Variants in CFAP299 observed in about 807,000 individuals in gnomAD.
The protein encoded by CFAP299 is cilia and flagella associated protein 299, also known as cilia- and flagella-associated protein 299.
Under a neutral mutation model 27.0 loss-of-function variants are expected in CFAP299, and 21 were observed. The observed-to-expected ratio is 0.78, with a 90% CI of 0.55 to 1.12. The LOEUF (loss-of-function observed/expected upper bound fraction) is 1.12, where lower values mean the gene tolerates loss of function less well. CFAP299 is among the 50% of genes most tolerant of loss of function. The probability of loss-of-function intolerance (pLI) is 0.00; values close to 1 mark genes in which losing one functional copy is unlikely to be tolerated. For synonymous variants in CFAP299, 104 were observed against 98.1 expected, an observed-to-expected ratio of 1.06 and a Z score of -0.36; for missense variants, 310 against 276.6, an observed-to-expected ratio of 1.12 and a Z score of -0.86.
intron 2 of CFAP299, among the ~76,000 whole-genome samples, chr4:80,433,444 C>T (rs991970124): frequency 6.6e-6 from 1 of 152,004 alleles, no homozygotes; most frequent in Non-Finnish European, 1.5e-5. Flanking sequence ...GAATACTTTA[C>T]CTTAAAAAAA....
At chr4:80,848,984 T>C (rs959758177) in intron 3 of CFAP299, among the ~76,000 whole-genome samples, 2 of 152,138 alleles carry the variant, frequency 1.3e-5, no homozygotes, top group Non-Finnish European at 2.9e-5. Context: ...ACTAAATTTA[T>C]AGAACAACAT....
chr4:80,571,341 T>G (rs1377273795), intron 2 of CFAP299, among the ~76,000 whole-genome samples: 3 of 152,070 alleles, frequency 2.0e-5, no homozygotes, highest in African/African-American at 7.2e-5. Flanking sequence ...TTTGTGGTTA[T>G]CTGGCTTGAA....
chr4:80,327,750 T>TAACTTCAATACATATATATATATATA, the CFAP299 span, among the ~76,000 whole-genome samples: 3 of 144,606 alleles, frequency 2.1e-5, no homozygotes, highest in South Asian at 2.2e-4. Flanking sequence ...TATATATATG[T>TAACTTCAATACATATATATATATATA]TGAGAAAGCT....
At chr4:80,678,920 C>G (rs144615985) in intron 3 of CFAP299, among the ~76,000 whole-genome samples, 1 of 152,020 alleles carries the variant, frequency 6.6e-6, no homozygotes, top group African/African-American at 2.4e-5. Context: ...GACTACAAAC[C>G]TTGCTCAGTT....
At chr4:80,848,958 T>C (rs1345557811) in intron 3 of CFAP299, among the ~76,000 whole-genome samples, 3 of 152,200 alleles carry the variant, frequency 2.0e-5, no homozygotes, top group African/African-American at 4.8e-5. Context: ...TTATAAACAC[T>C]GTACACTTAA....
intron 3 of CFAP299, among the ~76,000 whole-genome samples, chr4:80,741,961 G>C (rs1413776146): frequency 6.6e-6 from 1 of 152,100 alleles, no homozygotes. Flanking sequence ...TTATTCTCTA[G>C]TATGATAGGG....
At chr4:80,539,213 G>A (rs150386565) in intron 2 of CFAP299, among the ~76,000 whole-genome samples, 100 of 152,234 alleles carry the variant, frequency 6.6e-4, no homozygotes, top group Non-Finnish European at 1.3e-3. Flanking sequence ...TTGCCTTCCT[G>A]TTCTAAAATT....
intron 3 of CFAP299, among the ~76,000 whole-genome samples, chr4:80,670,165 T>C (rs748846401): frequency 6.0e-5 from 9 of 150,036 alleles, no homozygotes; most frequent in Non-Finnish European, 1.0e-4. Context: ...CAGACCCCCA[T>C]GTGTGATGTT....
chr4:80,435,926 A>C (rs186457597), intron 2 of CFAP299, among the ~76,000 whole-genome samples: 1 of 152,214 alleles, frequency 6.6e-6, no homozygotes, highest in Non-Finnish European at 1.5e-5. Flanking sequence ...TTGTCAAACC[A>C]TGAGGCCCCA....
At chr4:80,536,415 T>A (rs747559941) in intron 2 of CFAP299, among the ~76,000 whole-genome samples, 1 of 152,120 alleles carries the variant, frequency 6.6e-6, no homozygotes, top group Non-Finnish European at 1.5e-5. Flanking sequence ...AAAGCAATCT[T>A]GAGCAAAAGG....
At chr4:80,326,231 G>A in the CFAP299 span, among the ~76,000 whole-genome samples, 48 of 152,150 alleles carry the variant, frequency 3.2e-4, no homozygotes, top group Admixed American at 6.6e-4. Flanking sequence ...GCATCTCTAT[G>A]GGATTGTGGT....
chr4:80,812,661 C>T (rs1440294606), intron 3 of CFAP299, among the ~76,000 whole-genome samples: 1 of 152,024 alleles, frequency 6.6e-6, no homozygotes, highest in African/African-American at 2.4e-5. Flanking sequence ...GTCAAATTAG[C>T]GTCAATAGAG....
intron 4 of CFAP299, among the ~76,000 whole-genome samples, chr4:80,913,686 G>C (rs1343880062): frequency 6.6e-6 from 1 of 152,028 alleles, no homozygotes; most frequent in Non-Finnish European, 1.5e-5. Context: ...TTTTTAGTTT[G>C]GTCAGTACAT....
At position 80,527,625 on chromosome 4, in the gene CFAP299, T is replaced by C. The variant is rs188176329; in HGVS notation, c.243-55468T>C. Among the ~76,000 whole-genome samples, 467 of 152,266 alleles carry C rather than the reference T, an allele frequency of 3.1e-3. 1 individual carries two copies. Among genetic ancestry groups the C allele is most frequent in the Middle Eastern group, 0.01 (3 of 294 alleles). ...TAATGTGTATTCCCTTCACACACAC[T>C]GTCCCAGTAGGACTGGTCTGTTCTC... On this transcript the variant is annotated intron_variant, in intron 2 of 5. Coordinates refer to ENST00000358105, the MANE Select transcript of CFAP299 (RefSeq NM_152770.3).
At chr4:80,494,599 T>C (rs986833084) in intron 2 of CFAP299, among the ~76,000 whole-genome samples, 3 of 152,206 alleles carry the variant, frequency 2.0e-5, no homozygotes, top group African/African-American at 7.2e-5. Flanking sequence ...CTTTCAGTTC[T>C]TCATACCCAG....
At chr4:80,598,849 A>G (rs1344056785) in intron 3 of CFAP299, among the ~76,000 whole-genome samples, 2 of 152,208 alleles carry the variant, frequency 1.3e-5, no homozygotes, top group African/African-American at 4.8e-5. Context: ...GTAAGAGAAT[A>G]CACCTTTCTC....
intron 4 of CFAP299, among the ~76,000 whole-genome samples, chr4:80,895,170 CCACACACA>C (rs66497721): frequency 7.5e-6 from 1 of 132,592 alleles, no homozygotes; most frequent in African/African-American, 3.5e-5. Context: ...AATGTTCTCA[CCACACACA>C]CACACACACA....
chr4:80,570,578 T>G (rs1210465166), intron 2 of CFAP299, among the ~76,000 whole-genome samples: 1 of 152,118 alleles, frequency 6.6e-6, no homozygotes, highest in Non-Finnish European at 1.5e-5. Flanking sequence ...TTGCTTATAT[T>G]AAAAAGTTCT....
intron 2 of CFAP299, among the ~76,000 whole-genome samples, chr4:80,524,377 A>G (rs140011087): frequency 6.6e-6 from 1 of 152,114 alleles, no homozygotes; most frequent in African/African-American, 2.4e-5. Flanking sequence ...TTGTTTCTAG[A>G]GGGAAGCATA....
Sources: allele counts gnomAD v4.1 joint callset (sites outside exome capture counted in the v4.1 genomes callset), GRCh38; gene constraint gnomAD v4.1.1; transcripts MANE v1.5; gene names NCBI Gene and HGNC (gene_info 2026-07-23, HGNC 2026-07-21).